EHBP1: variants seen among roughly 807,000 people sequenced by gnomAD.
EHBP1 encodes the protein EH domain binding protein 1, also known as EH domain-binding protein 1.
A neutral mutation model predicts 144.0 loss-of-function variants in EHBP1; 55 were observed. The observed-to-expected ratio is 0.38, with a 90% CI of 0.31 to 0.48. The LOEUF is 0.48. Ranked by LOEUF, EHBP1 falls within the 20% of genes least tolerant of loss-of-function variation. EHBP1 has a pLI of 0.98. For missense variants in EHBP1, 1,200 were observed against 1,364.2 expected, an observed-to-expected ratio of 0.88 and a Z score of 1.90; for synonymous variants, 469 against 472.7, an observed-to-expected ratio of 0.99 and a Z score of 0.10.
intron 16 of EHBP1, among the ~76,000 whole-genome samples, chr2:62,991,746 T>C (rs1308602080): frequency 5.9e-5 from 9 of 152,340 alleles, no homozygotes; most frequent in Middle Eastern, 3.4e-3. Context: ...TCCAGTCCTG[T>C]ATAACTTTTC....
At chr2:62,854,161 CA>C (rs1310126482) in intron 7 of EHBP1, among the ~76,000 whole-genome samples, 26 of 152,210 alleles carry the variant, frequency 1.7e-4, no homozygotes, top group Admixed American at 1.7e-3. Flanking sequence ...TCTCAGCCTT[CA>C]CAGAATTGAG....
intron 5 of EHBP1, among the ~76,000 whole-genome samples, chr2:62,794,692 A>G (rs944589584): frequency 1.8e-4 from 28 of 152,044 alleles, no homozygotes; most frequent in African/African-American, 6.3e-4. Context: ...CATATTTACT[A>G]TTGAATCTTC....
intron 10 of EHBP1, among the ~76,000 whole-genome samples, chr2:62,909,651 G>C (rs927134535): frequency 1.2e-4 from 19 of 152,148 alleles, no homozygotes; most frequent in African/African-American, 4.6e-4. Context: ...ACTGTGACCT[G>C]GTTCCCCAGC....
intron 4 of EHBP1, among the ~76,000 whole-genome samples, chr2:62,766,808 T>C (rs185433337): frequency 6.6e-6 from 1 of 152,194 alleles, no homozygotes; most frequent in Admixed American, 6.5e-5. Flanking sequence ...ATTTCATTCA[T>C]CATACATTTA....
At chr2:63,031,259 C>T (rs969308171) in intron 19 of EHBP1, among the ~76,000 whole-genome samples, 2 of 151,994 alleles carry the variant, frequency 1.3e-5, no homozygotes, top group Admixed American at 6.6e-5. Context: ...CAGATGCAGC[C>T]CAAACAAAAA....
At chr2:62,774,113 G>A (rs2041888924) in intron 5 of EHBP1, among the ~76,000 whole-genome samples, 2 of 151,968 alleles carry the variant, frequency 1.3e-5, no homozygotes, top group South Asian at 2.1e-4. Context: ...TCTCACACCT[G>A]TAATCCCAGC....
At chr2:62,743,308 CTG>C (rs1219284438) in intron 2 of EHBP1, among the ~76,000 whole-genome samples, 1 of 151,978 alleles carries the variant, frequency 6.6e-6, no homozygotes, top group African/African-American at 2.4e-5. Context: ...TTAGTAATCT[CTG>C]TGGTTGGGCA....
intron 7 of EHBP1, among the ~76,000 whole-genome samples, chr2:62,854,262 C>G (rs979071786): frequency 1.3e-5 from 2 of 152,190 alleles, no homozygotes; most frequent in African/African-American, 4.8e-5. Context: ...AAAGCTTTCT[C>G]TGCATCAGCA....
At chr2:62,887,000 A>C (rs894240773) in intron 10 of EHBP1, among the ~76,000 whole-genome samples, 1 of 152,196 alleles carries the variant, frequency 6.6e-6, no homozygotes, top group Non-Finnish European at 1.5e-5. Context: ...TTAAAAGATA[A>C]ATTTATTTCT....
At chr2:62,711,027 G>A (rs2035096330) in intron 2 of EHBP1, among the ~76,000 whole-genome samples, 1 of 152,290 alleles carries the variant, frequency 6.6e-6, no homozygotes, top group East Asian at 1.9e-4. Context: ...CAAACTTGGT[G>A]TGTTTTGTGG....
chr2:62,826,528 T>C (rs1276258694), intron 6 of EHBP1: 1 of 273,122 alleles, frequency 3.7e-6, no homozygotes, highest in Admixed American at 5.1e-5. Flanking sequence ...TATAAGTGTT[T>C]TATATTTCAG....
At chr2:62,985,983 A>T (rs1270743871) in intron 15 of EHBP1, among the ~76,000 whole-genome samples, 1 of 152,202 alleles carries the variant, frequency 6.6e-6, no homozygotes, top group Non-Finnish European at 1.5e-5. Context: ...TACAGTACAC[A>T]GTAGAAGTTT....
chr2:62,951,773 C>T (rs1216607653), intron 13 of EHBP1, among the ~76,000 whole-genome samples: 12 of 152,126 alleles, frequency 7.9e-5, no homozygotes, highest in Non-Finnish European at 1.5e-5. Flanking sequence ...GATCCTCCTG[C>T]CTCAGTCTCC....
chr2:62,966,630 A>G (rs991174886), intron 14 of EHBP1, among the ~76,000 whole-genome samples: 1 of 152,178 alleles, frequency 6.6e-6, no homozygotes, highest in Non-Finnish European at 1.5e-5. Context: ...AAATTCAGGC[A>G]CTTATTTTCA....
intron 5 of EHBP1, among the ~76,000 whole-genome samples, chr2:62,799,887 C>G (rs148269742): frequency 6.6e-6 from 1 of 152,242 alleles, no homozygotes; most frequent in African/African-American, 2.4e-5. Flanking sequence ...TGCTAGAATA[C>G]CTACCTGGAG....
At chr2:63,029,290 C>A (rs1574538963) in intron 19 of EHBP1, among the ~76,000 whole-genome samples, 1 of 152,034 alleles carries the variant, frequency 6.6e-6, no homozygotes, top group Non-Finnish European at 1.5e-5. Context: ...CTGATTCACC[C>A]ACATTTTTCA....
At chr2:62,833,667 G>C (rs952444133) in intron 7 of EHBP1, among the ~76,000 whole-genome samples, 16 of 152,186 alleles carry the variant, frequency 1.1e-4, no homozygotes, top group Admixed American at 1.0e-3. Flanking sequence ...AGCGTACCTG[G>C]TTGCCCAAGA....
chr2:62,839,817 C>A (rs1042763159), intron 7 of EHBP1, among the ~76,000 whole-genome samples: 1 of 152,050 alleles, frequency 6.6e-6, no homozygotes, highest in African/African-American at 2.4e-5. Context: ...AACTACAAAC[C>A]ACTGCTCAAG....
At chr2:62,877,225 G>A (rs1344852194) in intron 10 of EHBP1, among the ~76,000 whole-genome samples, 1 of 152,128 alleles carries the variant, frequency 6.6e-6, no homozygotes, top group Non-Finnish European at 1.5e-5. Flanking sequence ...AGACAAAACA[G>A]ACTTTAAGCC....
Sources: gnomAD v4.1 joint callset for allele counts (sites outside exome capture counted in the v4.1 genomes callset) on GRCh38, gnomAD v4.1.1 for gene constraint, MANE v1.5 for transcripts, NCBI Gene and HGNC (gene_info 2026-07-23, HGNC 2026-07-21) for gene names.